The following NEGR1 variants were observed in gnomAD, a reference collection of about 807,000 sequenced individuals.
NEGR1 encodes neuronal growth regulator 1.
A neutral mutation model predicts 40.9 loss-of-function variants in NEGR1; 10 were observed. The observed-to-expected ratio is 0.24, with a 90% CI of 0.15 to 0.42. The LOEUF (loss-of-function observed/expected upper bound fraction) is 0.42. NEGR1 is among the 10% of genes least tolerant of loss of function. NEGR1 has a pLI of 1.00. For missense variants in NEGR1, 352 were observed against 438.9 expected (o/e 0.80, Z 1.77); for synonymous variants, 185 against 166.8 (o/e 1.11, Z -0.84).
chr1:71,660,776 G>A (rs139296432), intron 4 of NEGR1, among the ~76,000 whole-genome samples: 131 of 152,146 alleles, frequency 8.6e-4, no homozygotes, highest in South Asian at 2.3e-3. Flanking sequence ...AGGTATACAC[G>A]TGCCATGGTG....
At chr1:71,614,220 T>C (rs1650366293) in intron 4 of NEGR1, among the ~76,000 whole-genome samples, 3 of 151,946 alleles carry the variant, frequency 2.0e-5, no homozygotes, top group East Asian at 1.9e-4. Context: ...TACAAGATAA[T>C]ATAGATACAC....
rs568305000 is a variant in NEGR1, at chr1:71,397,001, G to A, written c.*10445C>T. 2.2e-4 allele frequency: 34 copies of A among 154,112 alleles called. No homozygotes were observed. The Middle Eastern group carries it at 0.013, about 59-fold the overall frequency. 9.5% of individuals were successfully genotyped at this position (154,112 alleles called of 1,614,324 possible). ...GGGTTGGAATAGTTTGGAGGGCTCA[G>A]AAGAAGACAGGAAAATGTGGGAAAG... is the stretch of plus-strand genomic sequence containing the variant. On this transcript the variant is annotated 3_prime_UTR_variant, in exon 7 of 7. Coordinates refer to ENST00000357731, the MANE Select transcript of NEGR1 (RefSeq NM_173808.3).
At chr1:71,947,000 G>C (rs1216335872) in intron 1 of NEGR1, among the ~76,000 whole-genome samples, 3 of 150,360 alleles carry the variant, frequency 2.0e-5, no homozygotes, top group Non-Finnish European at 4.4e-5. Flanking sequence ...AGGATGGCTT[G>C]AGTCTTGAGT....
At chr1:71,707,062 C>T (rs1240814533) in intron 3 of NEGR1, among the ~76,000 whole-genome samples, 2 of 152,098 alleles carry the variant, frequency 1.3e-5, no homozygotes, top group African/African-American at 4.8e-5. Flanking sequence ...TTAAACCAGC[C>T]CTAGCCAGAG....
intron 5 of NEGR1, among the ~76,000 whole-genome samples, chr1:71,598,460 G>A (rs531867568): frequency 3.3e-5 from 5 of 152,214 alleles, no homozygotes; most frequent in Non-Finnish European, 5.9e-5. Context: ...GCTTAGTTAT[G>A]TCTTTCAGTG....
intron 2 of NEGR1, among the ~76,000 whole-genome samples, chr1:71,894,810 A>T (rs1331508303): frequency 6.6e-6 from 1 of 152,166 alleles, no homozygotes; most frequent in Non-Finnish European, 1.5e-5. Flanking sequence ...TGGGAGGCTG[A>T]GGCAGGAGGA....
chr1:71,834,105 T>C (rs996998161), intron 2 of NEGR1, among the ~76,000 whole-genome samples: 2 of 152,130 alleles, frequency 1.3e-5, no homozygotes, highest in African/African-American at 2.4e-5. Flanking sequence ...ATAAACTGCA[T>C]TGTATTGGAT....
chr1:72,274,972 T>C, intron 1 of NEGR1: 2 of 1,520,696 alleles, frequency 1.3e-6, no homozygotes, highest in African/African-American at 1.4e-5. Context: ...ACAAGGGAAG[T>C]ACATTGCCAT....
intron 1 of NEGR1, among the ~76,000 whole-genome samples, chr1:71,987,119 G>A (rs1029858280): frequency 1.3e-4 from 20 of 151,974 alleles, no homozygotes; most frequent in Admixed American, 9.2e-4. Context: ...TACCTAACCC[G>A]TCTACTTTTT....
At chr1:72,161,766 C>T (rs1283166198) in intron 1 of NEGR1, among the ~76,000 whole-genome samples, 1 of 135,160 alleles carries the variant, frequency 7.4e-6, no homozygotes, top group Non-Finnish European at 1.5e-5. Flanking sequence ...GCAACCTTTG[C>T]TTCCTGGGTT....
intron 2 of NEGR1, among the ~76,000 whole-genome samples, chr1:71,809,391 G>A (rs1437871608): frequency 6.6e-6 from 1 of 152,140 alleles, no homozygotes; most frequent in Non-Finnish European, 1.5e-5. Flanking sequence ...CCACCCACAT[G>A]GTGAAGCAAC....
intron 4 of NEGR1, among the ~76,000 whole-genome samples, chr1:71,641,111 A>C (rs950312547): frequency 5.9e-5 from 9 of 152,084 alleles, no homozygotes; most frequent in African/African-American, 2.2e-4. Context: ...GCTCATTACG[A>C]CTGTATAATA....
intron 4 of NEGR1, among the ~76,000 whole-genome samples, chr1:71,630,502 A>G (rs1650937616): frequency 6.6e-6 from 1 of 151,978 alleles, no homozygotes. Flanking sequence ...CATTGGTTCT[A>G]TCATCTGAAA....
intron 6 of NEGR1, among the ~76,000 whole-genome samples, chr1:71,524,355 T>TGTGTGTGA (rs1491242523): frequency 4.2e-5 from 6 of 143,896 alleles, no homozygotes; most frequent in African/African-American, 1.0e-4. Flanking sequence ...TGTGTGTGTG[T>TGTGTGTGA]GATATCAACC....
intron 1 of NEGR1, among the ~76,000 whole-genome samples, chr1:72,142,418 G>T (rs1650715953): frequency 6.6e-6 from 1 of 151,618 alleles, no homozygotes; most frequent in African/African-American, 2.4e-5. Flanking sequence ...CAAAACATTT[G>T]TCCTATATTT....
At chr1:72,170,349 T>C (rs1417915409) in intron 1 of NEGR1, among the ~76,000 whole-genome samples, 1 of 152,164 alleles carries the variant, frequency 6.6e-6, no homozygotes, top group Non-Finnish European at 1.5e-5. Flanking sequence ...ATAGCAATTA[T>C]TATCATTTAA....
chr1:72,175,244 G>A (rs1156666941), intron 1 of NEGR1, among the ~76,000 whole-genome samples: 1 of 152,152 alleles, frequency 6.6e-6, no homozygotes, highest in Non-Finnish European at 1.5e-5. Flanking sequence ...AGCTGTGGAT[G>A]CTCATCTACC....
At chr1:72,275,782 C>T (rs557669222) in intron 1 of NEGR1, among the ~76,000 whole-genome samples, 22 of 152,070 alleles carry the variant, frequency 1.4e-4, no homozygotes, top group African/African-American at 3.4e-4. Flanking sequence ...CAGAAGTAAA[C>T]GAGAAGGTCA....
intron 1 of NEGR1, among the ~76,000 whole-genome samples, chr1:72,030,822 T>C (rs1448460272): frequency 6.6e-6 from 1 of 152,032 alleles, no homozygotes; most frequent in Non-Finnish European, 1.5e-5. Flanking sequence ...ACAAGGATCA[T>C]ACAAAAATAT....
Sources: allele counts gnomAD v4.1 joint callset (sites outside exome capture counted in the v4.1 genomes callset), GRCh38; gene constraint gnomAD v4.1.1; transcripts MANE v1.5; gene names NCBI Gene and HGNC (gene_info 2026-07-23, HGNC 2026-07-21).